HHAT: variants seen among roughly 807,000 people sequenced by gnomAD.
HHAT encodes hedgehog acyltransferase, also known as protein-cysteine N-palmitoyltransferase HHAT.
A neutral mutation model predicts 70.8 loss-of-function variants in HHAT; 47 were observed. That is an observed-to-expected ratio of 0.66 (90% confidence interval 0.53 to 0.85). HHAT has a LOEUF of 0.85. HHAT is among the 40% of genes least tolerant of loss of function. HHAT has a pLI of 0.00. For missense variants in HHAT, 609 were observed against 604.8 expected (o/e 1.01, Z -0.07); for synonymous variants, 228 against 247.6 (o/e 0.92, Z 0.74).
At position 210,587,969 on chromosome 1, in the gene HHAT, T is replaced by A. The variant is rs771134636; in HGVS notation, c.1115T>A (p.Phe372Tyr). 3 of 1,614,028 alleles carry A rather than the reference T, an allele frequency of 1.9e-6. No individual in the cohort carries two copies. The highest frequency in any genetic ancestry group is 1.7e-6 in the Non-Finnish European group (2 of 1,180,014). ...ACACTGTTTTCCACGGCGATGACAT[T>A]TGCATTTGTGAGCTACTGGCATGGC... The part of the protein sequence containing the change: ...LGTLFSTAMT[F>Y]AFVSYWHGGY... The change falls in exon 10 of 12, where the codon TTT becomes TAT. Residue 372 changes from phenylalanine to tyrosine, a missense_variant. By Grantham distance (22) the Phe-to-Tyr change is conservative. Coordinates refer to ENST00000261458, the MANE Select transcript of HHAT (RefSeq NM_018194.6).
At chr1:210,571,048 G>C (rs1026655977) in intron 9 of HHAT, among the ~76,000 whole-genome samples, 38 of 152,158 alleles carry the variant, frequency 2.5e-4, no homozygotes, top group Admixed American at 5.9e-4. Context: ...TCCTGGCCTC[G>C]GCCGTCGAAT....
In HHAT at chr1:210,413,787, ATTC is replaced by A. The variant is rs1432107546; in HGVS notation, c.685-4364_685-4362del. On this transcript the variant is annotated intron_variant, in intron 6 of 11. Transcript: ENST00000261458. ...ACATTCTGTTCACTACTGCTCAGCT[ATTC>A]TTTAAGAATATTGAGGCTTTCTCTG... is the stretch of plus-strand genomic sequence containing the variant. 3.3e-5 allele frequency among the ~76,000 whole-genome samples: 5 copies of A among 152,198 alleles called. No individual in the cohort carries two copies. In the East Asian group the frequency reaches 9.6e-4, roughly 29 times the overall value.
At chr1:210,461,459 C>T (rs375717165) in intron 7 of HHAT, among the ~76,000 whole-genome samples, 17 of 152,062 alleles carry the variant, frequency 1.1e-4, no homozygotes, top group Admixed American at 5.2e-4. Context: ...CCACCATGCC[C>T]GACAAATTTT....
intron 8 of HHAT, among the ~76,000 whole-genome samples, chr1:210,480,167 G>A (rs2094371464): frequency 6.6e-6 from 1 of 152,142 alleles, no homozygotes; most frequent in Non-Finnish European, 1.5e-5. Flanking sequence ...TTCATATGGG[G>A]TAGAACAAGG....
intron 11 of HHAT, among the ~76,000 whole-genome samples, chr1:210,647,053 G>A (rs993020124): frequency 3.3e-5 from 5 of 152,188 alleles, no homozygotes; most frequent in Admixed American, 2.6e-4. Context: ...GAGAGTTTAG[G>A]TAACAGAAAT....
At chr1:210,360,512 G>T (rs2088172241) in intron 2 of HHAT, among the ~76,000 whole-genome samples, 1 of 152,180 alleles carries the variant, frequency 6.6e-6, no homozygotes, top group East Asian at 1.9e-4. Flanking sequence ...GTTTTTCCAT[G>T]TTGGCCAGGC....
intron 1 of HHAT, among the ~76,000 whole-genome samples, chr1:210,330,723 C>A (rs2147896441): frequency 6.6e-6 from 1 of 152,318 alleles, no homozygotes; most frequent in Admixed American, 6.5e-5. Flanking sequence ...GGTCCCCAAC[C>A]TTTTTGGCAC....
chr1:210,517,478 T>C (rs996526527), intron 9 of HHAT, among the ~76,000 whole-genome samples: 1 of 152,156 alleles, frequency 6.6e-6, no homozygotes, highest in Non-Finnish European at 1.5e-5. Context: ...GGTGTACATG[T>C]GGTCTCACTT....
chr1:210,511,780 C>CTTTT lies in HHAT; in HGVS notation c.1008-1349_1008-1346dup, dbSNP rs201825628. 3.4e-5 allele frequency among the ~76,000 whole-genome samples: 3 copies of CTTTT among 88,454 alleles called. 1 individual carries two copies. Among genetic ancestry groups the CTTTT allele is most frequent in the Non-Finnish European group, 6.9e-5 (3 of 43,450 alleles). The allele number at this position is 88,454 out of a possible 152,430, so 58.0% of individuals were successfully genotyped here. A position where few individuals can be genotyped will look rare whatever the true frequency, so the allele number is the denominator to read the frequency against. On this transcript the variant is annotated intron_variant, in intron 8 of 11. Transcript: ENST00000261458. ...ATCATCATGATTCTGGCCGCCTGGT[C>CTTTT]TTTTTTTTTTTTTTTTTTTTTTTTT...
chr1:210,636,917 A>G (rs182938065), intron 11 of HHAT, among the ~76,000 whole-genome samples: 3 of 152,322 alleles, frequency 2.0e-5, no homozygotes, highest in Admixed American at 2.0e-4. Flanking sequence ...GAGACAGTGT[A>G]GGATGGTAGT....
intron 9 of HHAT, among the ~76,000 whole-genome samples, chr1:210,534,261 T>C (rs529405337): frequency 1.3e-5 from 2 of 152,316 alleles, no homozygotes; most frequent in East Asian, 3.9e-4. Context: ...TCAAACTTGA[T>C]ACTGTGTCAC....
rs200109236 is a variant in HHAT at position 210,498,141 on chromosome 1, TG to T, written c.1008-15010del. On this transcript the variant is annotated intron_variant, in intron 8 of 11. Coordinates refer to ENST00000261458, the MANE Select transcript of HHAT (RefSeq NM_018194.6). Reference sequence around the variant, plus strand: ...GTCCATCCCTGTACCTGACAGCATTTGGCTCATGGGAGAAGCTCAGTAAATG... The same window carrying T: ...GTCCATCCCTGTACCTGACAGCATTTGCTCATGGGAGAAGCTCAGTAAATG... 6.1e-3 allele frequency among the ~76,000 whole-genome samples: 928 copies of T among 152,304 alleles called. 3 individuals are homozygous for T. The highest frequency in any genetic ancestry group is 0.011 in the Non-Finnish European group (725 of 68,022).
chr1:210,593,619 G>A (rs755160371), intron 10 of HHAT, among the ~76,000 whole-genome samples: 25 of 152,076 alleles, frequency 1.6e-4, no homozygotes, highest in Non-Finnish European at 3.5e-4. Context: ...AGATCCATAC[G>A]TGGAGGAGAA....
At chr1:210,429,554 T>G (rs1028310193) in intron 7 of HHAT, among the ~76,000 whole-genome samples, 9 of 151,478 alleles carry the variant, frequency 5.9e-5, no homozygotes, top group Non-Finnish European at 1.3e-4. Flanking sequence ...AAACTGAAAG[T>G]TAGATCTAGA....
chr1:210,522,800 G>A (rs927719420), intron 9 of HHAT, among the ~76,000 whole-genome samples: 7 of 151,476 alleles, frequency 4.6e-5, no homozygotes, highest in African/African-American at 1.7e-4. Flanking sequence ...TCTGGAATCA[G>A]AGTAACAGGA....
chr1:210,653,951 G>A (rs373439459), intron 11 of HHAT, among the ~76,000 whole-genome samples: 10 of 71,952 alleles, frequency 1.4e-4, no homozygotes, highest in Non-Finnish European at 2.3e-4. Context: ...GTGTGACAGT[G>A]GAATAGTGTG....
At chr1:210,509,349 A>G (rs1485229510) in intron 8 of HHAT, among the ~76,000 whole-genome samples, 1 of 152,200 alleles carries the variant, frequency 6.6e-6, no homozygotes, top group Non-Finnish European at 1.5e-5. Flanking sequence ...TTCAGATTTC[A>G]GATTTTTGGA....
chr1:210,656,975 C>G (rs1446899196), intron 11 of HHAT, among the ~76,000 whole-genome samples: 1 of 152,226 alleles, frequency 6.6e-6, no homozygotes, highest in Non-Finnish European at 1.5e-5. Context: ...CCCCACACCC[C>G]TTCTTGTACA....
chr1:210,480,672 A>G (rs1469165715), intron 8 of HHAT, among the ~76,000 whole-genome samples: 1 of 152,038 alleles, frequency 6.6e-6, no homozygotes, highest in African/African-American at 2.4e-5. Context: ...GCCTCTAGAA[A>G]CCTGGCAGCT....
Sources: gnomAD v4.1 joint callset for allele counts (sites outside exome capture counted in the v4.1 genomes callset) on GRCh38, gnomAD v4.1.1 for gene constraint, MANE v1.5 for transcripts, NCBI Gene and HGNC (gene_info 2026-07-23, HGNC 2026-07-21) for gene names.